Variants in EPHB6 observed in about 807,000 individuals in gnomAD.
EPHB6 encodes ephrin type-B receptor 6.
A neutral mutation model predicts 107.0 loss-of-function variants in EPHB6; 51 were observed. The ratio of observed to expected loss-of-function variants is 0.48; its 90% confidence interval spans 0.38 to 0.60. The LOEUF (loss-of-function observed/expected upper bound fraction) is 0.60. Ranked by LOEUF, EPHB6 falls within the 20% of genes least tolerant of loss-of-function variation. The probability of loss-of-function intolerance (pLI) is 0.00; values close to 1 mark genes in which losing one functional copy is unlikely to be tolerated. For missense variants in EPHB6, 1,141 were observed against 1,355.5 expected, an observed-to-expected ratio of 0.84 and a Z score of 2.48; for synonymous variants, 553 against 549.0, an observed-to-expected ratio of 1.01 and a Z score of -0.10.
rs1442400541 is a variant in EPHB6 at position 142,868,952 on chromosome 7, GC to G, written c.2287-17del. ...CCCCTGTCTCCGATCACTGACCTCTGCCCCCTGCCCCTTCCCCTCAGCAGCG... is the reference window on the plus strand; with the variant it reads ...CCCCTGTCTCCGATCACTGACCTCTGCCCCTGCCCCTTCCCCTCAGCAGCG... On this transcript the variant is annotated intron_variant, in intron 15 of 19. Transcript: ENST00000652003. This position sits in a 1 kb window ranked among gnomAD's most constrained non-coding sequence, Gnocchi z 4.2. 1 of 1,603,740 alleles carries G rather than the reference GC, an allele frequency of 6.2e-7. No homozygotes were observed. Among genetic ancestry groups the G allele is most frequent in the Non-Finnish European group, 8.5e-7 (1 of 1,178,846 alleles).
intron 5 of EPHB6, 50 bp from the exon 6 acceptor site, chr7:142,863,581 A>G: frequency 6.3e-7 from 1 of 1,593,206 alleles, no homozygotes; most frequent in Non-Finnish European, 8.6e-7. Flanking sequence ...AGGGGCTGGC[A>G]GTGCTGGCTG....
At position 142,871,051 on chromosome 7, in the gene EPHB6, C is replaced by T; in HGVS notation, c.*147C>T. 1 of 767,502 alleles carries T rather than the reference C, an allele frequency of 1.3e-6. No individual in the cohort carries two copies. The highest frequency in any genetic ancestry group is 2.2e-6 in the Non-Finnish European group (1 of 450,070). 47.5% of individuals were successfully genotyped at this position (767,502 alleles called of 1,614,324 possible). ...CTGCATTCCCTGGTCCTCCGCCTCT[C>T]CACCAGCCCCCTCCTCATTAAAGGG... On this transcript the variant is annotated 3_prime_UTR_variant, in exon 20 of 20. Coordinates refer to ENST00000652003, the MANE Select transcript of EPHB6 (RefSeq NM_004445.6).
rs1309967794 is a variant in EPHB6, at chr7:142,863,222, T to C, written c.-6T>C. 3 of 1,613,834 alleles carry C rather than the reference T, an allele frequency of 1.9e-6. No homozygotes were observed. The highest frequency in any genetic ancestry group is 1.1e-5 in the South Asian group (1 of 91,066). On this transcript the variant is annotated 5_prime_UTR_variant, in exon 5 of 20. An upstream start codon of the reference 5' UTR is lost. Transcript: ENST00000652003. ...GGGGCGATGGTGGACGCCCTGAAGA[T>C]GTCCCATGGCTACTGAAGGGGCTGC... is the stretch of plus-strand genomic sequence containing the variant.
chr7:142,870,032 A>C (rs1308172012), intron 17 of EPHB6, 66 bp downstream of exon 17: 2 of 1,610,202 alleles, frequency 1.2e-6, no homozygotes, highest in Admixed American at 3.3e-5. Flanking sequence ...ACATTCTAGG[A>C]CCTCCATTCT....
Position 142,870,590 on chromosome 7 carries a change from G to A in EPHB6, c.2865G>A (p.Gln955=). ...ACTTTCCTTGTCTGGACTCACCCCA[G>A]GCCTGGCTTTCAGCCATTGGACTGG... ...ALDFPCLDSP[Q]AWLSAIGLEC... The change falls in exon 19 of 20, where the codon CAG becomes CAA. Residue 955 remains glutamine (Q), a synonymous_variant. Coordinates refer to ENST00000652003, the MANE Select transcript of EPHB6 (RefSeq NM_004445.6). The A allele has an allele frequency of 6.2e-7, 1 of 1,614,264 alleles. No individual in the cohort carries two copies. Among genetic ancestry groups the A allele is most frequent in the South Asian group, 1.1e-5 (1 of 91,090 alleles).
At chr7:142,858,594 C>T (rs1802710944) in intron 1 of EPHB6, among the ~76,000 whole-genome samples, 1 of 131,300 alleles carries the variant, frequency 7.6e-6, no homozygotes, top group African/African-American at 2.7e-5. Context: ...CGCCACCACG[C>T]CCAGCTAATT....
At position 142,864,160 on chromosome 7, in the gene EPHB6, C is replaced by G. The variant is rs533330481; in HGVS notation, c.360C>G (p.Ser120Arg). Residue 120 changes from serine (S) to arginine (R), a missense_variant, in exon 7 of 20, where the codon AGC becomes AGG. Physicochemically the swap from Ser to Arg is moderately radical, Grantham distance 110. This residue lies in a region of EPHB6 where 221 missense variants were observed against 300.5 expected (regional missense o/e 0.74). Coordinates refer to ENST00000652003, the MANE Select transcript of EPHB6 (RefSeq NM_004445.6). ...SVRACSSLGV[S>R]GGTCRETFTL... ...GGGCATGCTCCAGCCTGGGTGTGAG[C>G]GGCGGCACCTGCCGGGAGACCTTCA... The G allele has an allele frequency of 6.2e-7, 1 of 1,613,932 alleles. No homozygotes were observed. The highest frequency in any genetic ancestry group is 8.5e-7 in the Non-Finnish European group (1 of 1,180,038).
Position 142,866,717 on chromosome 7 carries a change from G to C in EPHB6, c.1587+112G>C. The C allele has an allele frequency of 1.3e-6, 2 of 1,597,270 alleles. No individual in the cohort carries two copies. The highest frequency in any genetic ancestry group is 2.2e-5 in the South Asian group (2 of 90,328). On this transcript the variant is annotated intron_variant, in intron 10 of 19. Transcript: ENST00000652003. The surrounding 1 kb of genome is among the most constrained non-coding windows in gnomAD (Gnocchi z 5.2). ...GGAGGAATGAGGGGTCCGCAACAGG[G>C]CTGGCAGGAGCTCACAGTCCCCACA...
At chr7:142,864,818 G>A in intron 7 of EPHB6, 69 bp downstream of exon 7, 1 of 1,577,960 alleles carries the variant, frequency 6.3e-7, no homozygotes, top group Non-Finnish European at 8.7e-7. Context: ...GCTCCTCTCT[G>A]AACACCCCAA....
intron 1 of EPHB6, among the ~76,000 whole-genome samples, chr7:142,860,774 T>C (rs757226171): frequency 2.0e-5 from 3 of 152,168 alleles, no homozygotes; most frequent in Non-Finnish European, 4.4e-5. Flanking sequence ...CCCACGCGTA[T>C]GTAGAAATGG....
In EPHB6 at chr7:142,869,880, T is replaced by C. The variant is rs1398867963; in HGVS notation, c.2524T>C (p.Ser842Pro). The change falls in exon 17 of 20, where the codon TCC becomes CCC. Residue 842 changes from serine to proline, a missense_variant. Coordinates refer to ENST00000652003, the MANE Select transcript of EPHB6 (RefSeq NM_004445.6). This position sits in a 1 kb window ranked among gnomAD's most constrained non-coding sequence, Gnocchi z 4.5. ...CATTGCACATGGAAAGCATACAACA[T>C]CCAGTGATGTCTGGAGCTTTGGGAT... ...EVIAHGKHTT[S>P]SDVWSFGILM... The C allele has an allele frequency of 6.2e-7, 1 of 1,614,210 alleles. No homozygotes were observed. The highest frequency in any genetic ancestry group is 1.1e-5 in the South Asian group (1 of 91,084).
rs8177161 is a variant in EPHB6, at chr7:142,868,886, G to C, written c.2287-88G>C. 0.98 allele frequency: 1,547,179 copies of C among 1,586,770 alleles called. 755,072 individuals carry two copies. Among genetic ancestry groups the C allele is most frequent in the East Asian group, 0.99 (44,014 of 44,432 alleles). On this transcript the variant is annotated intron_variant, in intron 15 of 19. Transcript: ENST00000652003. The surrounding 1 kb of genome is among the most constrained non-coding windows in gnomAD (Gnocchi z 4.2). ...CCATTTTCTGATTCGACACCCTCCC[G>C]CTCTCATGCTGTTGTCTGCTATGCA...
intron 5 of EPHB6, 73 bp from the exon 6 acceptor site, chr7:142,863,558 G>GT: frequency 1.3e-6 from 2 of 1,544,630 alleles, no homozygotes; most frequent in Non-Finnish European, 1.8e-6. Context: ...TTTGTTCGCG[G>GT]TGGGAATAGA....
In EPHB6 at chr7:142,868,450, GTGAGCCT is replaced by G; in HGVS notation, c.2039-38_2039-32del. 3 of 1,614,140 alleles carry G rather than the reference GTGAGCCT, an allele frequency of 1.9e-6. No individual in the cohort carries two copies. The highest frequency in any genetic ancestry group is 2.5e-6 in the Non-Finnish European group (3 of 1,180,026). ...TCCCATCCAAACACAGCAGGACGCT[GTGAGCCT>G]TGATCCCCACCCCAACCTACACCTA... On this transcript the variant is annotated intron_variant, in intron 14 of 19. Coordinates refer to ENST00000652003, the MANE Select transcript of EPHB6 (RefSeq NM_004445.6). The surrounding 1 kb of genome is among the most constrained non-coding windows in gnomAD (Gnocchi z 4.2).
At chr7:142,870,058 T>C in intron 17 of EPHB6, 92 bp downstream of exon 17, 1 of 1,600,994 alleles carries the variant, frequency 6.2e-7, no homozygotes, top group Non-Finnish European at 8.6e-7. Context: ...CCGTTTGTAT[T>C]CTAAGATCTC....
Position 142,868,791 on chromosome 7 carries a change from C to T in EPHB6, c.2286+52C>T, listed in dbSNP as rs747321649. 6.2e-7 allele frequency: 1 copy of T among 1,613,336 alleles called. No individual in the cohort carries two copies. Among genetic ancestry groups the T allele is most frequent in the Admixed American group, 1.7e-5 (1 of 60,022 alleles). On this transcript the variant is annotated intron_variant, in intron 15 of 19. Coordinates refer to ENST00000652003, the MANE Select transcript of EPHB6 (RefSeq NM_004445.6). This position sits in a 1 kb window ranked among gnomAD's most constrained non-coding sequence, Gnocchi z 4.2. The stretch of plus-strand genomic sequence containing the variant: ...GGGTCCTTGGGTCCAGGAAAGCTTC[C>T]AGGAGACGAGGTCCTGTATCTTTGC...
At position 142,855,162 on chromosome 7, in the gene EPHB6, C is replaced by A. The variant is rs1027762596; in HGVS notation, c.-655C>A. On this transcript the variant is annotated 5_prime_UTR_variant, in exon 1 of 20. Transcript: ENST00000652003. This position sits in a 1 kb window ranked among gnomAD's most constrained non-coding sequence, Gnocchi z 4.2. ...TGGCGACGGCGATCTCGACGCGGGCCCCCAGGATCTCCCGGCGCCCCACCT... is the reference window on the plus strand; with the variant it reads ...TGGCGACGGCGATCTCGACGCGGGCACCCAGGATCTCCCGGCGCCCCACCT... The A allele has an allele frequency of 6.6e-6, 1 of 151,890 alleles. No homozygotes were observed. Among genetic ancestry groups the A allele is most frequent in the Non-Finnish European group, 1.5e-5 (1 of 67,968 alleles). 9.4% of individuals were successfully genotyped at this position (151,890 alleles called of 1,614,324 possible).
rs752538203 is a variant in EPHB6 at position 142,866,086 on chromosome 7, G to A, written c.1232G>A (p.Cys411Tyr). 1 of 1,611,726 alleles carries A rather than the reference G, an allele frequency of 6.2e-7. No homozygotes were observed. Among genetic ancestry groups the A allele is most frequent in the Non-Finnish European group, 8.5e-7 (1 of 1,178,886 alleles). The change falls in exon 9 of 20, where the codon TGT becomes TAT. Residue 411 changes from cysteine (C) to tyrosine (Y), a missense_variant. Cys to Tyr is a radical substitution (Grantham distance 194). Around this residue, in one of 3 missense-constraint regions of EPHB6, gnomAD observed 304 missense variants for 295.7 expected, o/e 1.03. Transcript: ENST00000652003. The surrounding 1 kb of genome is among the most constrained non-coding windows in gnomAD (Gnocchi z 5.2). Reference protein sequence around the residue: ...DLLFNVVCKECEGRQEPASGG... With the variant: ...DLLFNVVCKEYEGRQEPASGG... ...CTCTTCAATGTCGTGTGCAAGGAGT[G>A]TGAAGGCCGCCAGGAACCTGCCAGC...
chr7:142,862,986 T>G lies in EPHB6; in HGVS notation c.-101-141T>G, dbSNP rs1046550311. 5.3e-6 allele frequency: 3 copies of G among 562,376 alleles called. No individual in the cohort carries two copies. In the African/African-American group the frequency reaches 5.6e-5, roughly 11 times the overall value. The allele number at this position is 562,376 out of a possible 1,614,324, so 34.8% of individuals were successfully genotyped here. A position where few individuals can be genotyped will look rare whatever the true frequency, so the allele number is the denominator to read the frequency against. On this transcript the variant is annotated intron_variant, in intron 4 of 19. Transcript: ENST00000652003. ...CAGGAGAGGCAGTATGCAACCTGGC[T>G]TCTGTCCCATGGTGGGTGCTGGGGC...
Sources: allele counts gnomAD v4.1 joint callset (sites outside exome capture counted in the v4.1 genomes callset), GRCh38; gene constraint gnomAD v4.1.1; regional missense constraint gnomAD v4.1.1; non-coding constraint Gnocchi (gnomAD v3.1); transcripts MANE v1.5; gene names NCBI Gene and HGNC (gene_info 2026-07-23, HGNC 2026-07-21).